The following SH3PXD2A variants were observed in gnomAD, a reference collection of about 807,000 sequenced individuals.
SH3PXD2A encodes the protein SH3 and PX domains 2A, also known as SH3 and PX domain-containing protein 2A.
Under a neutral mutation model 115.2 loss-of-function variants are expected in SH3PXD2A, and 32 were observed. The observed-to-expected ratio is 0.28, with a 90% CI of 0.21 to 0.37. The LOEUF is 0.37. Among genes scored for constraint, SH3PXD2A ranks in the 10% least tolerant of loss-of-function variants. SH3PXD2A has a pLI of 1.00. For missense variants in SH3PXD2A, 1,328 were observed against 1,498.7 expected (o/e 0.89, Z 1.88); for synonymous variants, 610 against 629.1 (o/e 0.97, Z 0.45).
chr10:103,781,711 C>T (rs1421747129), intron 2 of SH3PXD2A, among the ~76,000 whole-genome samples: 1 of 152,246 alleles, frequency 6.6e-6, no homozygotes, highest in Admixed American at 6.5e-5. Context: ...TCCTCTCCCA[C>T]AGCTGTATCT....
intron 8 of SH3PXD2A, among the ~76,000 whole-genome samples, chr10:103,630,239 G>GT (rs945759469): frequency 6.6e-6 from 1 of 152,224 alleles, no homozygotes; most frequent in Non-Finnish European, 1.5e-5. Flanking sequence ...TGCCTGGGAT[G>GT]TTTTTCCCCC....
At chr10:103,829,895 C>T (rs1427547768) in intron 1 of SH3PXD2A, among the ~76,000 whole-genome samples, 1 of 152,252 alleles carries the variant, frequency 6.6e-6, no homozygotes. Flanking sequence ...ATAAGACCAA[C>T]TTATTTCCAC....
intron 1 of SH3PXD2A, among the ~76,000 whole-genome samples, chr10:103,854,835 G>A (rs1377662015): frequency 1.3e-5 from 2 of 152,132 alleles, no homozygotes; most frequent in African/African-American, 4.8e-5. Context: ...AGCGCCCAGG[G>A]CCCCTGGGGA....
chr10:103,847,946 AAAAAAACC>A (rs56092437), intron 1 of SH3PXD2A, among the ~76,000 whole-genome samples: 130,761 of 148,564 alleles, frequency 0.88, 57,913 homozygotes, highest in East Asian at 0.99. Context: ...CTCAAAAAAA[AAAAAAACC>A]AACTAAAACA....
At chr10:103,735,851 T>A in intron 3 of SH3PXD2A, 43 bp from the exon 4 acceptor site, 1 of 1,512,912 alleles carries the variant, frequency 6.6e-7, no homozygotes. Context: ...TGGCTAAAAC[T>A]GCTACAGAGA....
chr10:103,825,084 AG>A (rs1306187130), intron 1 of SH3PXD2A, among the ~76,000 whole-genome samples: 2 of 152,208 alleles, frequency 1.3e-5, no homozygotes, highest in African/African-American at 4.8e-5. Context: ...CATTGTGCCC[AG>A]CCTCTCTCTA....
At chr10:103,773,946 G>A (rs898245985) in intron 2 of SH3PXD2A, among the ~76,000 whole-genome samples, 1 of 152,080 alleles carries the variant, frequency 6.6e-6, no homozygotes, top group Non-Finnish European at 1.5e-5. Flanking sequence ...TGTTGCCCTG[G>A]CTGATCTTGA....
chr10:103,676,127 G>T (rs986262557), intron 6 of SH3PXD2A, among the ~76,000 whole-genome samples: 1 of 152,174 alleles, frequency 6.6e-6, no homozygotes, highest in African/African-American at 2.4e-5. Flanking sequence ...AGGCAGGCTG[G>T]CCAGGAATTG....
rs557360575 is a variant in SH3PXD2A, at chr10:103,764,788, C to G, written c.229+2306G>C. On this transcript the variant is annotated intron_variant, in intron 3 of 14. Transcript: ENST00000369774. ...TGGAAGGGAGCCCTGGCCCAGGAGT[C>G]AGGAATGACAGCTCTGGTGTGGGCT... is the stretch of plus-strand genomic sequence containing the variant. 5.9e-5 allele frequency among the ~76,000 whole-genome samples: 9 copies of G among 152,274 alleles called. No individual in the cohort carries two copies. The South Asian group carries it at 1.7e-3, about 28-fold the overall frequency.
At chr10:103,786,233 A>G (rs1286638910) in intron 2 of SH3PXD2A, among the ~76,000 whole-genome samples, 1 of 152,188 alleles carries the variant, frequency 6.6e-6, no homozygotes, top group African/African-American at 2.4e-5. Context: ...CAGCACATCA[A>G]AGTGGCAGCA....
intron 6 of SH3PXD2A, among the ~76,000 whole-genome samples, chr10:103,682,099 G>A (rs1193189330): frequency 6.6e-6 from 1 of 152,238 alleles, no homozygotes; most frequent in Non-Finnish European, 1.5e-5. Flanking sequence ...GGTGATAGGA[G>A]TGAGGGGGCA....
chr10:103,671,429 G>A (rs928203188), intron 6 of SH3PXD2A, among the ~76,000 whole-genome samples: 1 of 152,164 alleles, frequency 6.6e-6, no homozygotes. Flanking sequence ...AGGCCTTCCC[G>A]TATCTCTCCG....
chr10:103,662,479 A>C (rs1186626599), intron 7 of SH3PXD2A, among the ~76,000 whole-genome samples: 1 of 136,022 alleles, frequency 7.4e-6, no homozygotes, highest in Non-Finnish European at 1.5e-5. Flanking sequence ...AGCTCACTGC[A>C]AGCTCCGCTT....
Position 103,667,516 on chromosome 10 carries a change from G to A in SH3PXD2A, c.472+1092C>T, listed in dbSNP as rs1023946144. Among the ~76,000 whole-genome samples the A allele has an allele frequency of 7.2e-5, 11 of 152,322 alleles. No individual in the cohort carries two copies. In the South Asian group the frequency reaches 1.7e-3, roughly 23 times the overall value. On this transcript the variant is annotated intron_variant, in intron 7 of 14. Transcript: ENST00000369774. ...AGCCCAGTGATTAGCTCAGGCCCAG[G>A]CCCTCGTCACAGGAAACTCCAGAAG... is the stretch of plus-strand genomic sequence containing the variant.
chr10:103,695,903 G>A lies in SH3PXD2A; in HGVS notation c.399-2847C>T, dbSNP rs572718463. Among the ~76,000 whole-genome samples, 3 of 152,326 alleles carry A rather than the reference G, an allele frequency of 2.0e-5. No individual in the cohort carries two copies. The East Asian group carries it at 5.8e-4, about 29-fold the overall frequency. ...CGGGTCCCTCCCTGCAGGGGGTGTG[G>A]GCTCTCCTCTTGCAGGTGAGAAGAC... On this transcript the variant is annotated intron_variant, in intron 5 of 14. Coordinates refer to ENST00000369774, the MANE Select transcript of SH3PXD2A (RefSeq NM_001394015.1).
At chr10:103,659,052 C>T (rs867520435) in intron 8 of SH3PXD2A, among the ~76,000 whole-genome samples, 1 of 152,246 alleles carries the variant, frequency 6.6e-6, no homozygotes, top group South Asian at 2.1e-4. Context: ...CCACCTCTAA[C>T]AGCCATCAGC....
chr10:103,809,121 A>G (rs2039237993), intron 1 of SH3PXD2A, among the ~76,000 whole-genome samples: 1 of 152,192 alleles, frequency 6.6e-6, no homozygotes, highest in Non-Finnish European at 1.5e-5. Context: ...GTAGGGCCCT[A>G]TTAAAATTCC....
chr10:103,724,261 ATTAC>A lies in SH3PXD2A; in HGVS notation c.398+5_398+8del, dbSNP rs2038215089. ...CCAGCACACAGGAGAGGCCTGAGCT[ATTAC>A]TTACTCTTTTGGAGGGTTGACATCC... On this transcript the variant is annotated splice_donor_5th_base_variant and intron_variant, in intron 5 of 14. Coordinates refer to ENST00000369774, the MANE Select transcript of SH3PXD2A (RefSeq NM_001394015.1). 6.5e-7 allele frequency: 1 copy of A among 1,526,770 alleles called. No individual in the cohort carries two copies. The highest frequency in any genetic ancestry group is 1.4e-5 in the African/African-American group (1 of 70,506). The allele number at this position is 1,526,770 out of a possible 1,614,324, so 94.6% of individuals were successfully genotyped here. A position where few individuals can be genotyped will look rare whatever the true frequency, so the allele number is the denominator to read the frequency against.
chr10:103,654,974 C>T (rs977446288), intron 8 of SH3PXD2A, among the ~76,000 whole-genome samples: 1 of 32,774 alleles, frequency 3.1e-5, no homozygotes, highest in East Asian at 0.038. Context: ...GGGCCCAAGA[C>T]TGGGCTAGCA....
Sources: allele counts gnomAD v4.1 joint callset (sites outside exome capture counted in the v4.1 genomes callset), GRCh38; gene constraint gnomAD v4.1.1; transcripts MANE v1.5; gene names NCBI Gene and HGNC (gene_info 2026-07-23, HGNC 2026-07-21).